The following PRKDC variants were observed in gnomAD, a reference collection of about 807,000 sequenced individuals.
The protein encoded by PRKDC is DNA-dependent protein kinase catalytic subunit.
A neutral mutation model predicts 486.9 loss-of-function variants in PRKDC; 82 were observed. That is an observed-to-expected ratio of 0.17 (90% CI 0.14 to 0.20). The LOEUF is 0.20. Ranked by LOEUF, PRKDC falls within the 10% of genes least tolerant of loss-of-function variation. PRKDC has a pLI of 1.00. For missense variants in PRKDC, 4,504 were observed against 5,038.2 expected (o/e 0.89, Z 3.21); for synonymous variants, 1,895 against 1,837.0 (o/e 1.03, Z -0.81).
chr8:47,783,505 G>A (rs1334696936), intron 78 of PRKDC, among the ~76,000 whole-genome samples: 1 of 151,734 alleles, frequency 6.6e-6, no homozygotes, highest in African/African-American at 2.4e-5. Context: ...CAGGAGAATC[G>A]TTTGAACCCG....
intron 7 of PRKDC, among the ~76,000 whole-genome samples, chr8:47,946,607 C>G (rs2090535861): frequency 6.6e-6 from 1 of 152,052 alleles, no homozygotes. Context: ...TCTCTGCACT[C>G]TCACCCCCTC....
chr8:47,911,706 T>C (rs866154217), intron 25 of PRKDC, among the ~76,000 whole-genome samples: 5 of 152,080 alleles, frequency 3.3e-5, no homozygotes, highest in African/African-American at 1.2e-4. Flanking sequence ...ATGGCAGCAG[T>C]GAAGGATTTG....
chr8:47,807,428 T>C, intron 68 of PRKDC, 102 bp from the exon 69 acceptor site: 1 of 1,068,892 alleles, frequency 9.4e-7, no homozygotes, highest in Non-Finnish European at 1.3e-6. Flanking sequence ...TGTTTGTTCT[T>C]TTTTTTTTGA....
chr8:47,957,110 CACCAT>C, intron 3 of PRKDC, 56 bp downstream of exon 3: 1 of 1,144,838 alleles, frequency 8.7e-7, no homozygotes, highest in Non-Finnish European at 1.2e-6. Context: ...AAGTTCCTCA[CACCAT>C]AAGTTAAAAC....
intron 41 of PRKDC, 52 bp from the exon 42 acceptor site, chr8:47,863,629 A>C: frequency 3.6e-6 from 5 of 1,389,512 alleles, no homozygotes; most frequent in Non-Finnish European, 4.0e-6. Flanking sequence ...CATGAAATAC[A>C]TCTTATAGAA....
rs750365796 is a variant in PRKDC, at chr8:47,934,104, C to G, written c.1498-14G>C. 1.2e-6 allele frequency: 2 copies of G among 1,609,218 alleles called. No homozygotes were observed. Among genetic ancestry groups the G allele is most frequent in the African/African-American group, 2.7e-5 (2 of 74,742 alleles). On this transcript the variant is annotated splice_polypyrimidine_tract_variant and intron_variant, in intron 14 of 85. Coordinates refer to ENST00000314191, the MANE Select transcript of PRKDC (RefSeq NM_006904.7). ...AGACTCAGGGCCCTGGCCAGAAAGA[C>G]AGCATGACAATATGTAGTGATGGAT...
At position 47,798,209 on chromosome 8, in the gene PRKDC, T is replaced by C; in HGVS notation, c.10458+28A>G. 1.9e-6 allele frequency: 3 copies of C among 1,599,054 alleles called. No individual in the cohort carries two copies. The South Asian group carries it at 3.4e-5, about 18-fold the overall frequency. On this transcript the variant is annotated intron_variant, in intron 73 of 85. Transcript: ENST00000314191. The stretch of plus-strand genomic sequence containing the variant: ...TATCTTTAAGTTCTGTAAAGTTCCT[T>C]ACCGCCAAGTAGAATAAAGACACCA...
At chr8:47,893,117 G>A (rs1267036903) in intron 31 of PRKDC, 22 bp downstream of exon 31, 1 of 1,565,982 alleles carries the variant, frequency 6.4e-7, no homozygotes, top group Non-Finnish European at 8.7e-7. Flanking sequence ...ACACACACCA[G>A]AATAAGGCAA....
chr8:47,910,393 G>C (rs2089876097), intron 25 of PRKDC, among the ~76,000 whole-genome samples: 1 of 152,078 alleles, frequency 6.6e-6, no homozygotes, highest in Non-Finnish European at 1.5e-5. Flanking sequence ...TAACATGTTA[G>C]TCATTTGACC....
At chr8:47,813,680 A>C (rs2154498691) in intron 68 of PRKDC, among the ~76,000 whole-genome samples, 1 of 151,958 alleles carries the variant, frequency 6.6e-6, no homozygotes, top group East Asian at 1.9e-4. Flanking sequence ...GGTTCAAGCG[A>C]TTCTCCTGCC....
At position 47,820,715 on chromosome 8, in the gene PRKDC, T is replaced by C. The variant is rs760400696; in HGVS notation, c.9336+4A>G. 6.8e-6 allele frequency: 10 copies of C among 1,479,966 alleles called. No homozygotes were observed. The African/African-American group carries it at 9.8e-5, about 14-fold the overall frequency. 91.7% of individuals were successfully genotyped at this position (1,479,966 alleles called of 1,614,324 possible). ...AAGCATATATATATAATATATAGTATTACCTGCATAAAACTCTGAATGCCA... is the reference window on the plus strand; with the variant it reads ...AAGCATATATATATAATATATAGTACTACCTGCATAAAACTCTGAATGCCA... On this transcript the variant is annotated splice_donor_region_variant and intron_variant, in intron 66 of 85. Transcript: ENST00000314191.
At chr8:47,891,662 G>A (rs986237532) in intron 31 of PRKDC, among the ~76,000 whole-genome samples, 2 of 152,082 alleles carry the variant, frequency 1.3e-5, no homozygotes, top group African/African-American at 4.8e-5. Flanking sequence ...TGAGCTTGCA[G>A]TGAGCCAAGA....
At chr8:47,876,121 T>C (rs2089087668) in intron 40 of PRKDC, among the ~76,000 whole-genome samples, 1 of 152,156 alleles carries the variant, frequency 6.6e-6, no homozygotes, top group South Asian at 2.1e-4. Context: ...CAGTCAACTG[T>C]AAATGGTCCT....
chr8:47,868,607 G>A (rs2088871056), intron 40 of PRKDC, among the ~76,000 whole-genome samples: 1 of 152,068 alleles, frequency 6.6e-6, no homozygotes, highest in African/African-American at 2.4e-5. Context: ...TCAATGGAAG[G>A]AGTGGACCAA....
Position 47,942,722 on chromosome 8 carries a change from G to A in PRKDC, c.966+487C>T, listed in dbSNP as rs1434750305. 5.9e-5 allele frequency among the ~76,000 whole-genome samples: 9 copies of A among 152,220 alleles called. No homozygotes were observed. The South Asian group carries it at 1.9e-3, about 31-fold the overall frequency. On this transcript the variant is annotated intron_variant, in intron 10 of 85. Coordinates refer to ENST00000314191, the MANE Select transcript of PRKDC (RefSeq NM_006904.7). The stretch of plus-strand genomic sequence containing the variant: ...TGGAGACCAGTGCTCAGAATGACAA[G>A]CACGGTCTCCTCAGCCGACCAGACA...
In PRKDC at chr8:47,849,500, G is replaced by A. The variant is rs778774793; in HGVS notation, c.7009C>T (p.Leu2337=). The change falls in exon 53 of 86, where the codon CTG becomes TTG. Residue 2337 remains leucine (L), a synonymous_variant. Transcript: ENST00000314191. ...LRYVMERKNI[L]EESLCELVAK... is the part of the protein sequence containing the mutation. ...ACCAGTTCACACAGAGACTCCTCCA[G>A]TATCTGAAAAATTAAGTTTATTTTC... 1.2e-6 allele frequency: 2 copies of A among 1,609,344 alleles called. No individual in the cohort carries two copies. Among genetic ancestry groups the A allele is most frequent in the South Asian group, 1.1e-5 (1 of 89,954 alleles).
intron 7 of PRKDC, among the ~76,000 whole-genome samples, chr8:47,946,199 C>T (rs911804137): frequency 9.2e-5 from 14 of 152,088 alleles, no homozygotes; most frequent in African/African-American, 2.4e-4. Context: ...GGTGTGGTGG[C>T]GCATACCGGT....
At chr8:47,895,290 C>G in intron 30 of PRKDC, among the ~76,000 whole-genome samples, 1 of 152,192 alleles carries the variant, frequency 6.6e-6, no homozygotes, top group East Asian at 1.9e-4. Flanking sequence ...TGCAAGGCCA[C>G]AGAAGAGATA....
At chr8:47,913,784 A>C (rs2089944613) in intron 24 of PRKDC, 117 bp downstream of exon 24, 1 of 1,062,728 alleles carries the variant, frequency 9.4e-7, no homozygotes, top group Admixed American at 2.9e-5. Context: ...ACTATATTAC[A>C]GAAAATACAA....
Sources: gnomAD v4.1 joint callset for allele counts (sites outside exome capture counted in the v4.1 genomes callset) on GRCh38, gnomAD v4.1.1 for gene constraint, MANE v1.5 for transcripts, NCBI Gene and HGNC (gene_info 2026-07-23, HGNC 2026-07-21) for gene names.